Variants in LRP2 observed in about 807,000 individuals in gnomAD.
The protein encoded by LRP2 is low-density lipoprotein receptor-related protein 2.
LRP2 carries 172 observed loss-of-function variants against 531.0 expected under a neutral mutation model. That is an observed-to-expected ratio of 0.32 (90% confidence interval 0.29 to 0.37). LRP2 has a LOEUF of 0.37. LRP2 is among the 10% of genes least tolerant of loss of function. The probability of loss-of-function intolerance (pLI) is 1.00; values close to 1 mark genes in which losing one functional copy is unlikely to be tolerated. For synonymous variants in LRP2, 1,992 were observed against 2,027.6 expected, an observed-to-expected ratio of 0.98 and a Z score of 0.47; for missense variants, 5,167 against 5,868.3, an observed-to-expected ratio of 0.88 and a Z score of 3.90.
chr2:169,315,884 G>A (rs2544379), intron 3 of LRP2, among the ~76,000 whole-genome samples: 49,025 of 149,650 alleles, frequency 0.33, 8,520 homozygotes, highest in African/African-American at 0.46. Flanking sequence ...AGCACTTGGG[G>A]GGCCAAGGTG....
intron 3 of LRP2, among the ~76,000 whole-genome samples, chr2:169,315,213 T>C (rs1684727129): frequency 1.3e-5 from 2 of 152,214 alleles, no homozygotes; most frequent in African/African-American, 4.8e-5. Context: ...CCACACAGTA[T>C]AGCAATATGG....
chr2:169,294,122 G>A, intron 6 of LRP2, 26 bp downstream of exon 6: 2 of 1,484,268 alleles, frequency 1.3e-6, no homozygotes, highest in Non-Finnish European at 9.4e-7. Context: ...CCAACAACAT[G>A]ACCCAGCATA....
In LRP2 at chr2:169,139,280, G is replaced by A. The variant is rs202161925; in HGVS notation, c.13359C>T (p.Ser4453=). Residue 4453 remains serine (S), a synonymous_variant, in exon 74 of 79, where the codon TCC becomes TCT. Transcript: ENST00000649046. ...AGFFHYRRTG[S]LLPALPKLPS... is the part of the protein sequence containing the mutation. Reference sequence around the variant, plus strand: ...GCAGCTTGGGCAGAGCAGGCAAAAGGGAGCCGGTCCTTCTATAGTGGAAGA... The same window carrying A: ...GCAGCTTGGGCAGAGCAGGCAAAAGAGAGCCGGTCCTTCTATAGTGGAAGA... The A allele has an allele frequency of 1.8e-4, 285 of 1,614,134 alleles. 1 individual carries two copies. In the East Asian group the frequency reaches 5.8e-3, roughly 33 times the overall value.
Position 169,162,605 on chromosome 2 carries a change from A to C in LRP2, c.11759-5T>G, listed in dbSNP as rs76488092. ...GTTTAGGGGTCGGTTTTCTACCTGCAATGTAAAAACAAGTTAAAATCAAAA... is the reference window on the plus strand; with the variant it reads ...GTTTAGGGGTCGGTTTTCTACCTGCCATGTAAAAACAAGTTAAAATCAAAA... On this transcript the variant is annotated splice_polypyrimidine_tract_variant and splice_region_variant and intron_variant, in intron 62 of 78. Transcript: ENST00000649046. The C allele has an allele frequency of 2.6e-3, 4,132 of 1,614,108 alleles. 86 individuals carry two copies. In the African/African-American group the frequency reaches 0.047, roughly 18 times the overall value.
chr2:169,147,019 A>G (rs2105348804), intron 68 of LRP2, 60 bp from the exon 69 acceptor site: 2 of 1,270,342 alleles, frequency 1.6e-6, no homozygotes, highest in Non-Finnish European at 2.3e-6. Context: ...CCACTACAGC[A>G]GAGCACAGGG....
intron 4 of LRP2, among the ~76,000 whole-genome samples, chr2:169,297,805 AG>A (rs1265110831): frequency 6.6e-6 from 1 of 152,200 alleles, no homozygotes; most frequent in Non-Finnish European, 1.5e-5. Context: ...TTTTAAGCAG[AG>A]TAAGATACAA....
intron 16 of LRP2, among the ~76,000 whole-genome samples, chr2:169,261,403 G>T (rs1418861706): frequency 1.3e-5 from 2 of 151,674 alleles, no homozygotes; most frequent in Non-Finnish European, 2.9e-5. Flanking sequence ...ATAGCCCACT[G>T]CAGCCTCAAA....
chr2:169,233,685 T>A, intron 29 of LRP2, 97 bp from the exon 30 acceptor site: 1 of 1,050,654 alleles, frequency 9.5e-7, no homozygotes, highest in Non-Finnish European at 1.5e-6. Context: ...CGGTTTCCTT[T>A]AACATGTCAT....
chr2:169,207,887 T>C (rs1009327111), intron 38 of LRP2, among the ~76,000 whole-genome samples: 2 of 152,224 alleles, frequency 1.3e-5, no homozygotes, highest in African/African-American at 4.8e-5. Flanking sequence ...CCACAAATTA[T>C]TGATTTCATG....
intron 17 of LRP2, among the ~76,000 whole-genome samples, chr2:169,258,654 G>A (rs1344692914): frequency 6.6e-6 from 1 of 151,990 alleles, no homozygotes; most frequent in Non-Finnish European, 1.5e-5. Context: ...GTTTTGCTAA[G>A]CTTTATATAA....
chr2:169,328,397 C>T (rs1434714869), intron 1 of LRP2, among the ~76,000 whole-genome samples: 5 of 132,770 alleles, frequency 3.8e-5, no homozygotes, highest in African/African-American at 1.1e-4. Context: ...GCCACCACCT[C>T]GTCTGGGAGG....
chr2:169,299,911 A>G (rs990726481), intron 4 of LRP2, among the ~76,000 whole-genome samples: 3 of 152,142 alleles, frequency 2.0e-5, no homozygotes, highest in African/African-American at 7.2e-5. Context: ...AATAATTTGA[A>G]TACTCATCAG....
intron 71 of LRP2, 50 bp from the exon 72 acceptor site, chr2:169,140,595 G>T: frequency 7.0e-7 from 1 of 1,426,386 alleles, no homozygotes; most frequent in Non-Finnish European, 9.9e-7. Context: ...ACTCAGCAGA[G>T]TGCCCACACC....
intron 36 of LRP2, among the ~76,000 whole-genome samples, chr2:169,212,498 C>A (rs1333672633): frequency 1.1e-4 from 16 of 152,080 alleles, no homozygotes; most frequent in Admixed American, 1.0e-3. Flanking sequence ...TAAATCTGCT[C>A]ATAATTTGCC....
chr2:169,167,181 T>C (rs1022158635), intron 61 of LRP2, among the ~76,000 whole-genome samples: 1 of 152,306 alleles, frequency 6.6e-6, no homozygotes, highest in Admixed American at 6.5e-5. Flanking sequence ...GTTAAACATG[T>C]CTAAGATGTG....
chr2:169,153,972 A>T (rs2105358073), intron 66 of LRP2, among the ~76,000 whole-genome samples: 1 of 152,344 alleles, frequency 6.6e-6, no homozygotes, highest in East Asian at 1.9e-4. Context: ...GCAGATGTCT[A>T]GAGGATAGAA....
intron 1 of LRP2, among the ~76,000 whole-genome samples, chr2:169,326,265 A>G (rs1323179073): frequency 1.4e-5 from 2 of 143,718 alleles, no homozygotes; most frequent in Non-Finnish European, 3.0e-5. Flanking sequence ...TCTGATGCCG[A>G]GCCGAAGCTG....
chr2:169,318,284 G>T (rs895372493), intron 3 of LRP2, among the ~76,000 whole-genome samples: 3 of 151,876 alleles, frequency 2.0e-5, no homozygotes, highest in Admixed American at 6.6e-5. Flanking sequence ...CTCTCCCTAT[G>T]GTGGCTGTGG....
chr2:169,331,268 C>T (rs1003944374), intron 1 of LRP2, among the ~76,000 whole-genome samples: 1 of 152,208 alleles, frequency 6.6e-6, no homozygotes, highest in Non-Finnish European at 1.5e-5. Context: ...CTCCAAATGT[C>T]CTCTCCCCAT....
Sources: gnomAD v4.1 joint callset for allele counts (sites outside exome capture counted in the v4.1 genomes callset) on GRCh38, gnomAD v4.1.1 for gene constraint, MANE v1.5 for transcripts, NCBI Gene and HGNC (gene_info 2026-07-23, HGNC 2026-07-21) for gene names.